The following RAD51AP2 variants were observed in gnomAD, a reference collection of about 807,000 sequenced individuals.
RAD51AP2 encodes RAD51-associated protein 2.
In RAD51AP2, 67 loss-of-function variants were observed where a neutral mutation model predicts 85.5. That is an observed-to-expected ratio of 0.78 (90% CI 0.64 to 0.96). The LOEUF is 0.96. Among genes scored for constraint, RAD51AP2 ranks in the 40% least tolerant of loss-of-function variants. The pLI is 0.00. For synonymous variants in RAD51AP2, 474 were observed against 446.5 expected (o/e 1.06, Z -0.78); for missense variants, 1,307 against 1,332.4 (o/e 0.98, Z 0.30).
chr2:17,537,656 T>C, the RAD51AP2 span, among the ~76,000 whole-genome samples: 1 of 152,184 alleles, frequency 6.6e-6, no homozygotes, highest in African/African-American at 2.4e-5. Flanking sequence ...TTAGACCTGT[T>C]ACACTACTGG....
In RAD51AP2 at chr2:17,517,150, A is replaced by G; in HGVS notation, c.1266T>C (p.Asn422=). 1 of 1,607,316 alleles carries G rather than the reference A, an allele frequency of 6.2e-7. No homozygotes were observed. The highest frequency in any genetic ancestry group is 8.5e-7 in the Non-Finnish European group (1 of 1,177,832). The change falls in exon 1 of 3, where the codon AAT becomes AAC. Residue 422 remains asparagine, a synonymous_variant. Transcript: ENST00000399080. ...IINNCKTKCE[N]MKKTEEKWNW... is the part of the protein sequence containing the mutation. ...TCCATTTTTCTTCAGTTTTTTTCAT[A>G]TTTTCACATTTAGTCTTGCAATTAT...
chr2:17,531,750 TAA>T, the RAD51AP2 span, among the ~76,000 whole-genome samples: 1 of 152,210 alleles, frequency 6.6e-6, no homozygotes, highest in South Asian at 2.1e-4. Context: ...TAAATAAAAC[TAA>T]AACTGTGAAT....
chr2:17,533,369 G>C, the RAD51AP2 span, among the ~76,000 whole-genome samples: 2 of 152,128 alleles, frequency 1.3e-5, no homozygotes, highest in Non-Finnish European at 2.9e-5. Context: ...CAATACCATT[G>C]TCCCAATGAT....
At position 17,517,183 on chromosome 2, in the gene RAD51AP2, C is replaced by G. The variant is rs1009144451; in HGVS notation, c.1233G>C (p.Trp411Cys). ...ATTTAGTCTTGCAATTATTTATAAT[C>G]CAACAATTTCCTCTATTTCTTCTCA... ...HILRRNRGNC[W>C]IINNCKTKCE... The change falls in exon 1 of 3, where the codon TGG becomes TGC. Residue 411 changes from tryptophan (W) to cysteine (C), a missense_variant. Trp to Cys is a radical substitution (Grantham distance 215). Around this residue, in one of 3 missense-constraint regions of RAD51AP2, gnomAD observed 635 missense variants for 643.6 expected, o/e 0.99. Transcript: ENST00000399080. 2 of 1,610,266 alleles carry G rather than the reference C, an allele frequency of 1.2e-6. No homozygotes were observed. Among genetic ancestry groups the G allele is most frequent in the Non-Finnish European group, 1.7e-6 (2 of 1,178,880 alleles).
the RAD51AP2 span, among the ~76,000 whole-genome samples, chr2:17,529,846 T>C: frequency 1.3e-3 from 200 of 152,340 alleles, 4 homozygotes; most frequent in East Asian, 0.03. Flanking sequence ...TGGAATTCCA[T>C]TGTACAATTC....
chr2:17,531,050 C>G, the RAD51AP2 span, among the ~76,000 whole-genome samples: 1 of 152,146 alleles, frequency 6.6e-6, no homozygotes, highest in Non-Finnish European at 1.5e-5. Flanking sequence ...GTAAATGACC[C>G]TGAAGGTTAT....
At position 17,510,637 on chromosome 2, in the gene RAD51AP2, T is replaced by C; in HGVS notation, c.*167A>G. On this transcript the variant is annotated 3_prime_UTR_variant, in exon 3 of 3. Coordinates refer to ENST00000399080, the MANE Select transcript of RAD51AP2 (RefSeq NM_001099218.3). ...CATTTTTATATCATATAAAAATCCA[T>C]AAAATATTTTATAACTTTGAAAGGT... 2.4e-6 allele frequency: 1 copy of C among 419,730 alleles called. No homozygotes were observed. Among genetic ancestry groups the C allele is most frequent in the East Asian group, 3.6e-5 (1 of 27,618 alleles). 26.0% of individuals were successfully genotyped at this position (419,730 alleles called of 1,614,324 possible). A position where few individuals can be genotyped will look rare whatever the true frequency, so the allele number is the denominator to read the frequency against.
Position 17,517,994 on chromosome 2 carries a change from TC to T in RAD51AP2, c.421del (p.Glu141ArgfsTer53). Reference sequence around the variant, plus strand: ...ATTACTGCGGTGCACACTGAAAGCCTCTCTGTCATGCAGGCCTGCCTCAGAC... The same window carrying T: ...ATTACTGCGGTGCACACTGAAAGCCTTCTGTCATGCAGGCCTGCCTCAGAC... ...GRSEAGLHDREAFSVHRSNSS... is the reference protein window; with the variant it reads ...GRSEAGLHDRXAFSVHRSNSS... On this transcript the variant is annotated frameshift_variant, in exon 1 of 3. Transcript: ENST00000399080. LOFTEE classifies it high-confidence loss of function. The T allele has an allele frequency of 6.2e-7, 1 of 1,614,194 alleles. No homozygotes were observed. The highest frequency in any genetic ancestry group is 1.1e-5 in the South Asian group (1 of 91,078).
chr2:17,531,157 A>G, the RAD51AP2 span, among the ~76,000 whole-genome samples: 1 of 152,222 alleles, frequency 6.6e-6, no homozygotes. Context: ...TAGTAAGTTT[A>G]GTCAGCTGAT....
rs1662473158 is a variant in RAD51AP2, at chr2:17,510,891, C to A, written c.3393G>T (p.Arg1131Ser). Reference protein sequence around the residue: ...RPLKTCSRPIRIGLSRKARIK... With the variant: ...RPLKTCSRPISIGLSRKARIK... ...TCCTTGCTTTTCTTGACAAACCAAT[C>A]CTGATTGGCCTACTGCATGTCTTAA... is the stretch of plus-strand genomic sequence containing the variant. The change falls in exon 3 of 3, where the codon AGG becomes AGT. Residue 1131 changes from arginine (R) to serine (S), a missense_variant. Arg to Ser is a moderately radical substitution (Grantham distance 110). Around this residue, in one of 3 missense-constraint regions of RAD51AP2, gnomAD observed 668 missense variants for 671.0 expected, o/e 1.00. Coordinates refer to ENST00000399080, the MANE Select transcript of RAD51AP2 (RefSeq NM_001099218.3). 19 of 1,609,726 alleles carry A rather than the reference C, an allele frequency of 1.2e-5. No individual in the cohort carries two copies. The highest frequency in any genetic ancestry group is 1.5e-5 in the Non-Finnish European group (18 of 1,177,558).
At chr2:17,520,642 A>T (rs1373337850), upstream of RAD51AP2, among the ~76,000 whole-genome samples, 1 of 152,124 alleles carries the variant, frequency 6.6e-6, no homozygotes, top group African/African-American at 2.4e-5. Flanking sequence ...ATATGACACA[A>T]TCTCCTATTA....
intron 2 of RAD51AP2, among the ~76,000 whole-genome samples, chr2:17,513,147 T>C (rs1662541087): frequency 6.6e-6 from 1 of 152,092 alleles, no homozygotes; most frequent in African/African-American, 2.4e-5. Flanking sequence ...CAAGGTGGAA[T>C]GAATGTTAGA....
At chr2:17,532,224 T>A in the RAD51AP2 span, among the ~76,000 whole-genome samples, 3 of 152,114 alleles carry the variant, frequency 2.0e-5, 1 homozygote, top group South Asian at 4.1e-4. Context: ...ACAACAAAAA[T>A]GTATTCTCCC....
chr2:17,520,869 T>A (rs1417101707), upstream of RAD51AP2, among the ~76,000 whole-genome samples: 2 of 152,074 alleles, frequency 1.3e-5, no homozygotes, highest in Non-Finnish European at 2.9e-5. Flanking sequence ...CAAATTCTTA[T>A]TAAGCCTTAA....
At chr2:17,519,857 C>A (rs1004625083), upstream of RAD51AP2, among the ~76,000 whole-genome samples, 2 of 152,082 alleles carry the variant, frequency 1.3e-5, no homozygotes, top group African/African-American at 4.8e-5. Flanking sequence ...TGTTTTAGCC[C>A]ATAAGGGGTG....
chr2:17,532,536 A>G, the RAD51AP2 span, among the ~76,000 whole-genome samples: 2 of 152,142 alleles, frequency 1.3e-5, no homozygotes, highest in African/African-American at 4.8e-5. Context: ...AAAAAATTAT[A>G]AGAAAAAAAT....
At chr2:17,514,230 A>G (rs17314534) in intron 1 of RAD51AP2, 138 bp from the exon 2 acceptor site, 21,354 of 738,016 alleles carry the variant, frequency 0.029, 369 homozygotes, top group Middle Eastern at 0.047. Context: ...GACTCTTCAA[A>G]GCTCCTTTTT....
upstream of RAD51AP2, among the ~76,000 whole-genome samples, chr2:17,519,178 T>G (rs1662800486): frequency 6.6e-6 from 1 of 152,060 alleles, no homozygotes; most frequent in African/African-American, 2.4e-5. Flanking sequence ...GATAAAATAT[T>G]ATATGTTTGA....
chr2:17,514,138 T>A (rs1207020284), intron 1 of RAD51AP2, 46 bp from the exon 2 acceptor site: 1 of 1,013,998 alleles, frequency 9.9e-7, no homozygotes. Context: ...AACTTTTATA[T>A]AAAATATTAA....
Sources: gnomAD v4.1 joint callset for allele counts (sites outside exome capture counted in the v4.1 genomes callset) on GRCh38, gnomAD v4.1.1 for gene constraint, gnomAD v4.1.1 regional missense constraint, MANE v1.5 for transcripts, NCBI Gene and HGNC (gene_info 2026-07-23, HGNC 2026-07-21) for gene names.